Variants in LAMA2 observed in about 807,000 individuals in gnomAD.
LAMA2 encodes laminin subunit alpha 2, also known as laminin subunit alpha-2.
Under a neutral mutation model 364.8 loss-of-function variants are expected in LAMA2, and 269 were observed. That is an observed-to-expected ratio of 0.74 (90% CI 0.67 to 0.82). LAMA2 has a LOEUF of 0.82. Ranked by LOEUF, LAMA2 falls within the 40% of genes least tolerant of loss-of-function variation. LAMA2 has a pLI of 0.00. For synonymous variants in LAMA2, 1,379 were observed against 1,370.6 expected, an observed-to-expected ratio of 1.01 and a Z score of -0.14; for missense variants, 3,807 against 3,873.2, an observed-to-expected ratio of 0.98 and a Z score of 0.45.
intron 40 of LAMA2, among the ~76,000 whole-genome samples, chr6:129,417,863 C>A (rs10457523): frequency 6.6e-6 from 1 of 151,976 alleles, no homozygotes; most frequent in Non-Finnish European, 1.5e-5. Flanking sequence ...TGAAATCAGC[C>A]TGGGTGCCGG....
intron 12 of LAMA2, among the ~76,000 whole-genome samples, chr6:129,196,240 A>G (rs1781841763): frequency 6.6e-6 from 1 of 152,164 alleles, no homozygotes; most frequent in South Asian, 2.1e-4. Context: ...GGCTTCTAAA[A>G]GTAATCTCTG....
intron 12 of LAMA2, among the ~76,000 whole-genome samples, chr6:129,208,650 GAAGA>G (rs1782863501): frequency 7.0e-6 from 1 of 142,030 alleles, no homozygotes; most frequent in East Asian, 2.2e-4. Flanking sequence ...AAGAAGGAAG[GAAGA>G]GAGGGAGAAA....
At chr6:129,484,007 T>C (rs1446242588) in intron 55 of LAMA2, among the ~76,000 whole-genome samples, 5 of 152,228 alleles carry the variant, frequency 3.3e-5, no homozygotes, top group Non-Finnish European at 7.3e-5. Flanking sequence ...CAAAAATCTT[T>C]AAAATTCTTA....
chr6:128,918,112 AAG>A (rs1778462594), intron 1 of LAMA2, among the ~76,000 whole-genome samples: 1 of 152,080 alleles, frequency 6.6e-6, no homozygotes, highest in African/African-American at 2.4e-5. Flanking sequence ...TGGGTTAATC[AAG>A]AGTGATGGAA....
At chr6:129,439,876 A>G (rs375010954) in intron 42 of LAMA2, among the ~76,000 whole-genome samples, 3 of 145,020 alleles carry the variant, frequency 2.1e-5, no homozygotes, top group South Asian at 2.2e-4. Flanking sequence ...TATAGATAAC[A>G]TAAGTATAGA....
intron 1 of LAMA2, among the ~76,000 whole-genome samples, chr6:129,023,432 A>G (rs1350404927): frequency 6.6e-6 from 1 of 152,018 alleles, no homozygotes; most frequent in Non-Finnish European, 1.5e-5. Context: ...ATAGAGTCTG[A>G]TTGTGTACTT....
chr6:129,033,288 A>C (rs1786368411), intron 1 of LAMA2, among the ~76,000 whole-genome samples: 1 of 152,010 alleles, frequency 6.6e-6, no homozygotes, highest in Admixed American at 6.6e-5. Context: ...AAGTCTTTTA[A>C]GCCAGAGAAA....
At chr6:129,315,681 G>A (rs1774545241) in intron 25 of LAMA2, 26 bp downstream of exon 25, 2 of 1,611,990 alleles carry the variant, frequency 1.2e-6, no homozygotes, top group Non-Finnish European at 1.7e-6. Flanking sequence ...TTAATGTCAA[G>A]TGAGAACAAG....
chr6:129,488,036 G>A (rs189236140), intron 56 of LAMA2, among the ~76,000 whole-genome samples: 5 of 152,272 alleles, frequency 3.3e-5, no homozygotes, highest in South Asian at 2.1e-4. Flanking sequence ...TTAGCCGGGC[G>A]TGGTGGCTCA....
chr6:129,385,061 GGAGGGGAGGGAAGGAAGA>G (rs1363057975), intron 35 of LAMA2, among the ~76,000 whole-genome samples: 9 of 53,372 alleles, frequency 1.7e-4, no homozygotes, highest in South Asian at 6.5e-4. Flanking sequence ...GGGAAGGAAG[GGAGGGGAGGGAAGGAAGA>G]GAGGGGAGGG....
chr6:129,123,901 A>T (rs1357117963), intron 4 of LAMA2, among the ~76,000 whole-genome samples: 1 of 152,130 alleles, frequency 6.6e-6, no homozygotes, highest in East Asian at 1.9e-4. Flanking sequence ...CTTATCACAA[A>T]ATAATAATAA....
Position 129,052,715 on chromosome 6 carries a change from A to C in LAMA2, c.283+2627A>C, listed in dbSNP as rs182543969. Among the ~76,000 whole-genome samples the C allele has an allele frequency of 3.4e-3, 520 of 152,048 alleles. 7 individuals are homozygous for C. Among genetic ancestry groups the C allele is most frequent in the Non-Finnish European group, 5.0e-3 (342 of 67,986 alleles). ...TGGGTTTGGACAAACTTATAATGAT[A>C]TATATCTACCATTAGAGTATCACGC... is the stretch of plus-strand genomic sequence containing the variant. On this transcript the variant is annotated intron_variant, in intron 2 of 64. Transcript: ENST00000421865.
rs758433204 is a variant in LAMA2, at chr6:129,252,065, C to CT, written c.1885-11dup. 134 of 1,567,700 alleles carry CT rather than the reference C, an allele frequency of 8.5e-5. No homozygotes were observed. The East Asian group carries it at 1.3e-3, about 15-fold the overall frequency. On this transcript the variant is annotated intron_variant, in intron 13 of 64. Transcript: ENST00000421865. ...TTTTCAGTTTTACTCTTTTTTATTT[C>CT]TTTTTTTTCCCCCTTTAGGGTAATG...
At chr6:129,052,557 C>T (rs1358515003) in intron 2 of LAMA2, among the ~76,000 whole-genome samples, 3 of 152,020 alleles carry the variant, frequency 2.0e-5, no homozygotes, top group South Asian at 4.1e-4. Context: ...CCAACACATG[C>T]GTGGACTTCT....
intron 17 of LAMA2, among the ~76,000 whole-genome samples, chr6:129,275,724 T>TA (rs5879937): frequency 0.18 from 25,448 of 144,384 alleles, 2,402 homozygotes; most frequent in South Asian, 0.25. Context: ...TAAAAATTTG[T>TA]AAAAAAAAAA....
intron 12 of LAMA2, among the ~76,000 whole-genome samples, chr6:129,214,739 A>G (rs889650055): frequency 1.3e-5 from 2 of 152,116 alleles, no homozygotes; most frequent in African/African-American, 4.8e-5. Context: ...GTTCAATATT[A>G]TTTAATGATG....
At chr6:128,926,880 C>T (rs1264193756) in intron 1 of LAMA2, among the ~76,000 whole-genome samples, 2 of 152,216 alleles carry the variant, frequency 1.3e-5, no homozygotes, top group Non-Finnish European at 2.9e-5. Context: ...AATTCCAGTA[C>T]ACTTCAGCTC....
At chr6:129,104,686 C>A (rs1266063099) in intron 4 of LAMA2, among the ~76,000 whole-genome samples, 1 of 152,174 alleles carries the variant, frequency 6.6e-6, no homozygotes, top group African/African-American at 2.4e-5. Flanking sequence ...ATCTTAATTG[C>A]ATCATCTCTG....
intron 58 of LAMA2, among the ~76,000 whole-genome samples, chr6:129,495,565 A>AATC (rs531058337): frequency 1.4e-4 from 21 of 152,252 alleles, no homozygotes; most frequent in African/African-American, 3.8e-4. Flanking sequence ...TACCATATTC[A>AATC]ATCAAGCAGA....
Sources: allele counts gnomAD v4.1 joint callset (sites outside exome capture counted in the v4.1 genomes callset), GRCh38; gene constraint gnomAD v4.1.1; transcripts MANE v1.5; gene names NCBI Gene and HGNC (gene_info 2026-07-23, HGNC 2026-07-21).